The following COMMD9 variants were observed in gnomAD, a reference collection of about 807,000 sequenced individuals.
COMMD9 encodes COMM domain containing 9, also known as COMM domain-containing protein 9.
Under a neutral mutation model 23.4 loss-of-function variants are expected in COMMD9, and 22 were observed. The ratio of observed to expected loss-of-function variants is 0.94; its 90% confidence interval spans 0.67 to 1.34. The LOEUF (loss-of-function observed/expected upper bound fraction) is 1.34. Ranked by LOEUF, COMMD9 falls within the 40% of genes most tolerant of loss-of-function variation. COMMD9 has a pLI of 0.00. For synonymous variants in COMMD9, 99 were observed against 97.4 expected, an observed-to-expected ratio of 1.02 and a Z score of -0.10; for missense variants, 231 against 240.2, an observed-to-expected ratio of 0.96 and a Z score of 0.25.
chr11:36,277,824 G>A (rs1435581490), intron 3 of COMMD9, among the ~76,000 whole-genome samples: 1 of 152,174 alleles, frequency 6.6e-6, no homozygotes, highest in Non-Finnish European at 1.5e-5. Flanking sequence ...TGCCATTGTG[G>A]AACTGGGAAA....
intron 5 of COMMD9, 31 bp from the exon 6 acceptor site, chr11:36,274,803 A>T: frequency 1.9e-6 from 3 of 1,613,142 alleles, no homozygotes; most frequent in Non-Finnish European, 2.5e-6. Context: ...AGAAAGTCAA[A>T]GCTGCCTCTT....
chr11:36,280,167 C>T (rs1348358979), intron 2 of COMMD9, among the ~76,000 whole-genome samples: 1 of 152,164 alleles, frequency 6.6e-6, no homozygotes, highest in Non-Finnish European at 1.5e-5. Flanking sequence ...GTTTTAAAAA[C>T]ATATTTGCCT....
chr11:36,285,760 A>G (rs2133434343), intron 1 of COMMD9, among the ~76,000 whole-genome samples: 1 of 152,296 alleles, frequency 6.6e-6, no homozygotes, highest in East Asian at 1.9e-4. Flanking sequence ...TTGCAAATCT[A>G]TGTAATCCAT....
intron 1 of COMMD9, among the ~76,000 whole-genome samples, chr11:36,281,694 T>C (rs1394856658): frequency 3.9e-5 from 6 of 152,266 alleles, no homozygotes; most frequent in African/African-American, 1.4e-4. Flanking sequence ...AGCTAAAACA[T>C]AAAATTTAAA....
rs1013268548 is a variant in COMMD9, at chr11:36,274,367, G to T, written c.*265C>A. ...AAATGTTCCCTCACCCTGCCATGGT[G>T]GTAATTAAGTTGCACTCAGGAGCTT... On this transcript the variant is annotated 3_prime_UTR_variant, in exon 6 of 6. Transcript: ENST00000263401. 1.5e-6 allele frequency: 1 copy of T among 663,162 alleles called. No homozygotes were observed. Among genetic ancestry groups the T allele is most frequent in the Non-Finnish European group, 2.8e-6 (1 of 360,394 alleles). 41.1% of individuals were successfully genotyped at this position (663,162 alleles called of 1,614,324 possible).
chr11:36,288,064 G>T (rs1405593874), intron 1 of COMMD9, among the ~76,000 whole-genome samples: 1 of 152,132 alleles, frequency 6.6e-6, no homozygotes, highest in Non-Finnish European at 1.5e-5. Context: ...AAGGCACTGG[G>T]TTGGGAGCTG....
chr11:36,289,255 G>A (rs1856226027), intron 1 of COMMD9, 107 bp downstream of exon 1: 3 of 1,055,818 alleles, frequency 2.8e-6, no homozygotes, highest in Non-Finnish European at 4.1e-6. Context: ...AGAACAAGCA[G>A]CAGAGTTGTG....
At chr11:36,284,846 C>T (rs1204821327) in intron 1 of COMMD9, among the ~76,000 whole-genome samples, 7 of 152,248 alleles carry the variant, frequency 4.6e-5, no homozygotes, top group South Asian at 4.2e-4. Flanking sequence ...TGAAAACACA[C>T]CATATCAACA....
At chr11:36,286,082 G>A (rs1293604607) in intron 1 of COMMD9, among the ~76,000 whole-genome samples, 3 of 152,112 alleles carry the variant, frequency 2.0e-5, no homozygotes, top group Non-Finnish European at 4.4e-5. Flanking sequence ...GATCAGAAAG[G>A]AAGAAATAAA....
At position 36,275,512 on chromosome 11, in the gene COMMD9, C is replaced by T. The variant is rs1231399676; in HGVS notation, c.456+625G>A. ...AGGTGGGAGTGCAGTGGTGTGATCT[C>T]GGCTCACTGCAATCTCCACCTCCTT... is the stretch of plus-strand genomic sequence containing the variant. On this transcript the variant is annotated intron_variant, in intron 5 of 5. Transcript: ENST00000263401. Among the ~76,000 whole-genome samples the T allele has an allele frequency of 2.0e-5, 3 of 148,770 alleles. No homozygotes were observed. In the East Asian group the frequency reaches 6.0e-4, roughly 30 times the overall value.
chr11:36,285,504 A>G (rs1447953130), intron 1 of COMMD9, among the ~76,000 whole-genome samples: 1 of 152,174 alleles, frequency 6.6e-6, no homozygotes, highest in African/African-American at 2.4e-5. Context: ...AAATGATTTT[A>G]TATAGCTACA....
chr11:36,278,273 A>C, intron 3 of COMMD9: 1 of 532,126 alleles, frequency 1.9e-6, no homozygotes, highest in Non-Finnish European at 3.3e-6. Context: ...AAAGAGGAAA[A>C]AAAAAACATG....
intron 1 of COMMD9, among the ~76,000 whole-genome samples, chr11:36,281,528 C>T (rs1239074195): frequency 2.6e-5 from 4 of 152,200 alleles, no homozygotes; most frequent in African/African-American, 4.8e-5. Context: ...GTGGAGACCA[C>T]GTGGAGTCAG....
At position 36,274,361 on chromosome 11, in the gene COMMD9, C is replaced by T. The variant is rs560997704; in HGVS notation, c.*271G>A. 2 of 655,842 alleles carry T rather than the reference C, an allele frequency of 3.0e-6. No homozygotes were observed. Among genetic ancestry groups the T allele is most frequent in the African/African-American group, 3.5e-5 (2 of 56,548 alleles). 40.6% of individuals were successfully genotyped at this position (655,842 alleles called of 1,614,324 possible). A position where few individuals can be genotyped will look rare whatever the true frequency, so the allele number is the denominator to read the frequency against. On this transcript the variant is annotated 3_prime_UTR_variant, in exon 6 of 6. Coordinates refer to ENST00000263401, the MANE Select transcript of COMMD9 (RefSeq NM_014186.4). ...CGATGCAAATGTTCCCTCACCCTGC[C>T]ATGGTGGTAATTAAGTTGCACTCAG...
chr11:36,287,665 A>AACT (rs1277206766), intron 1 of COMMD9, among the ~76,000 whole-genome samples: 1 of 152,084 alleles, frequency 6.6e-6, no homozygotes, highest in Non-Finnish European at 1.5e-5. Flanking sequence ...AAAATCAATG[A>AACT]ACTACTGCTA....
At chr11:36,274,834 A>C in intron 5 of COMMD9, 62 bp from the exon 6 acceptor site, 1 of 1,597,230 alleles carries the variant, frequency 6.3e-7, no homozygotes, top group Non-Finnish European at 8.5e-7. Context: ...CCTGTAAGTG[A>C]GCCCTGAACC....
At chr11:36,285,903 A>G (rs1365374015) in intron 1 of COMMD9, among the ~76,000 whole-genome samples, 1 of 152,198 alleles carries the variant, frequency 6.6e-6, no homozygotes, top group Non-Finnish European at 1.5e-5. Context: ...GATAAACAGT[A>G]TCTACAAAAA....
At chr11:36,281,221 C>T (rs1856060917) in intron 1 of COMMD9, among the ~76,000 whole-genome samples, 1 of 152,122 alleles carries the variant, frequency 6.6e-6, no homozygotes, top group South Asian at 2.1e-4. Flanking sequence ...AAAAACGCTA[C>T]AATAAATAGC....
Position 36,289,406 on chromosome 11 carries a change from C to T in COMMD9, c.7G>A (p.Ala3Thr), listed in dbSNP as rs1204735265. The part of the protein sequence containing the change: MA[A>T]LTAEHFAALQ... ...GCTGCAAAATGCTCCGCTGTCAGGG[C>T]AGCCATCTTGCCGAAGTCACATGAC... Residue 3 changes from alanine (A) to threonine (T), a missense_variant, in exon 1 of 6, where the codon GCC becomes ACC. Physicochemically the swap from Ala to Thr is moderately conservative, Grantham distance 58. Transcript: ENST00000263401. 5 of 1,551,998 alleles carry T rather than the reference C, an allele frequency of 3.2e-6. No homozygotes were observed. The highest frequency in any genetic ancestry group is 4.4e-6 in the Non-Finnish European group (5 of 1,147,140).
Sources: gnomAD v4.1 joint callset for allele counts (sites outside exome capture counted in the v4.1 genomes callset) on GRCh38, gnomAD v4.1.1 for gene constraint, MANE v1.5 for transcripts, NCBI Gene and HGNC (gene_info 2026-07-23, HGNC 2026-07-21) for gene names.